Variants in FASN observed in about 807,000 individuals in gnomAD.
FASN encodes 3-hydroxyacyl-[acyl-carrier-protein] dehydratase.
Under a neutral mutation model 250.0 loss-of-function variants are expected in FASN, and 50 were observed. That is an observed-to-expected ratio of 0.20 (90% CI 0.16 to 0.25). The LOEUF is 0.25. Among genes scored for constraint, FASN ranks in the 10% least tolerant of loss-of-function variants. The pLI is 1.00. For synonymous variants in FASN, 1,909 were observed against 1,584.0 expected (o/e 1.21, Z -4.87); for missense variants, 3,031 against 3,498.5 (o/e 0.87, Z 3.37).
intron 11 of FASN, among the ~76,000 whole-genome samples, chr17:82,089,948 C>G (rs1246657823): frequency 1.3e-5 from 2 of 152,204 alleles, no homozygotes; most frequent in Non-Finnish European, 2.9e-5. Context: ...GAGCCCAGTC[C>G]CCAGATGGTG....
At position 82,091,393 on chromosome 17, in the gene FASN, C is replaced by T. The variant is rs1332913108; in HGVS notation, c.1321G>A (p.Gly441Ser). The T allele has an allele frequency of 2.5e-6, 4 of 1,610,564 alleles. No homozygotes were observed. Among genetic ancestry groups the T allele is most frequent in the Non-Finnish European group, 2.5e-6 (3 of 1,179,178 alleles). The stretch of plus-strand genomic sequence containing the variant: ...GCCAGGTCCTGGCTGTGCCGGAGGC[C>T]CTGCTCCAGCAGCTTCTGCACGGCC... Reference protein sequence around the residue: ...PEAVQKLLEQGLRHSQDLAFL... With the variant: ...PEAVQKLLEQSLRHSQDLAFL... The change falls in exon 9 of 43, where the codon GGC becomes AGC. Residue 441 changes from glycine (G) to serine (S), a missense_variant. Coordinates refer to ENST00000306749, the MANE Select transcript of FASN (RefSeq NM_004104.5).
Position 82,087,934 on chromosome 17 carries a change from G to A in FASN, c.2866+20C>T, listed in dbSNP as rs768352873. The A allele has an allele frequency of 4.3e-6, 7 of 1,612,318 alleles. No homozygotes were observed. The highest frequency in any genetic ancestry group is 2.2e-5 in the East Asian group (1 of 44,874). On this transcript the variant is annotated intron_variant, in intron 18 of 42. Coordinates refer to ENST00000306749, the MANE Select transcript of FASN (RefSeq NM_004104.5). ...AGCGGGCACAGCCTCCGCAGCTCCC[G>A]TGCCACCGGCCCTGCTTACCACTCA...
rs1310579926 is a variant in FASN, at chr17:82,083,606, T to C, written c.5252A>G (p.Glu1751Gly). 2 of 1,611,602 alleles carry C rather than the reference T, an allele frequency of 1.2e-6. No individual in the cohort carries two copies. Among genetic ancestry groups the C allele is most frequent in the South Asian group, 1.1e-5 (1 of 90,864 alleles). ...VDLVLNSLAE[E>G]KLQASVRCLA... is the part of the protein sequence containing the mutation. ...GCACCTCACGCTGGCCTGCAGCTTC[T>C]CTTCCGCCAAGGAGTTCAAGACCAG... Residue 1751 changes from glutamate to glycine, a missense_variant, in exon 31 of 43, where the codon GAG becomes GGG. By Grantham distance (98) the Glu-to-Gly change is moderately conservative. Transcript: ENST00000306749.
Position 82,084,356 on chromosome 17 carries a change from T to G in FASN, c.4797A>C (p.Leu1599=). The change falls in exon 28 of 43, where the codon CTA becomes CTC. Residue 1599 remains leucine, a synonymous_variant. Coordinates refer to ENST00000306749, the MANE Select transcript of FASN (RefSeq NM_004104.5). ...CGTCTCGGCCCGAGAACTCCATACC[T>G]AGCAGGCTGTCCTGGGAGGTCCACT... The part of the protein sequence containing the change: ...PGKWTSQDSL[L]GMEFSGRDAS... 1 of 1,608,248 alleles carries G rather than the reference T, an allele frequency of 6.2e-7. No individual in the cohort carries two copies. Among genetic ancestry groups the G allele is most frequent in the Non-Finnish European group, 8.5e-7 (1 of 1,178,000 alleles).
rs764159372 is a variant in FASN, at chr17:82,085,775, G to C, written c.3829C>G (p.Pro1277Ala). 337 of 1,561,396 alleles carry C rather than the reference G, an allele frequency of 2.2e-4. 2 individuals are homozygous for C. In the Admixed American group the frequency reaches 6.3e-3, roughly 29 times the overall value. ...GCCTGGGCAGCCTCCAGGGCCTGGG[G>C]GTGGCGGTCGGTGGCCGTGTAGCTC... The part of the protein sequence containing the change: ...QLSYTATDRH[P>A]QALEAAQAEL... Residue 1277 changes from proline (P) to alanine (A), a missense_variant, in exon 23 of 43, where the codon CCC (proline) becomes GCC (alanine). Coordinates refer to ENST00000306749, the MANE Select transcript of FASN (RefSeq NM_004104.5).
chr17:82,086,401 C>G lies in FASN; in HGVS notation c.3585G>C (p.Gln1195His), dbSNP rs920149225. 3 of 1,610,894 alleles carry G rather than the reference C, an allele frequency of 1.9e-6. No individual in the cohort carries two copies. The highest frequency in any genetic ancestry group is 2.5e-6 in the Non-Finnish European group (3 of 1,179,892). Residue 1195 changes from glutamine (Q) to histidine (H), a missense_variant, in exon 22 of 43, where the codon CAG (glutamine) becomes CAC (histidine). Coordinates refer to ENST00000306749, the MANE Select transcript of FASN (RefSeq NM_004104.5). ...GGGCCAGCACCTGCGCCAGCTCCAGCTGCAGGTTCCCGTTGAGCTGAAGCC... is the reference window on the plus strand; with the variant it reads ...GGGCCAGCACCTGCGCCAGCTCCAGGTGCAGGTTCCCGTTGAGCTGAAGCC... Reference protein sequence around the residue: ...ACRLQLNGNLQLELAQVLAQE... With the variant: ...ACRLQLNGNLHLELAQVLAQE...
Position 82,091,403 on chromosome 17 carries a change from C to T in FASN, c.1311G>A (p.Leu437=). Residue 437 remains leucine, a synonymous_variant, in exon 9 of 43, where the codon CTG becomes CTA. Transcript: ENST00000306749. Reference sequence around the variant, plus strand: ...GGCTGTGCCGGAGGCCCTGCTCCAGCAGCTTCTGCACGGCCTCAGGGGTGC... The same window carrying T: ...GGCTGTGCCGGAGGCCCTGCTCCAGTAGCTTCTGCACGGCCTCAGGGGTGC... The part of the protein sequence containing the change: ...SGRTPEAVQK[L]LEQGLRHSQD... The T allele has an allele frequency of 6.2e-7, 1 of 1,610,468 alleles. No individual in the cohort carries two copies. Among genetic ancestry groups the T allele is most frequent in the South Asian group, 1.1e-5 (1 of 90,740 alleles).
chr17:82,089,381 G>T lies in FASN; in HGVS notation c.1969C>A (p.Pro657Thr). The T allele has an allele frequency of 1.2e-6, 2 of 1,612,762 alleles. No individual in the cohort carries two copies. The highest frequency in any genetic ancestry group is 2.2e-5 in the East Asian group (1 of 44,878). Residue 657 changes from proline to threonine, a missense_variant, in exon 13 of 43, where the codon CCG becomes ACG. Pro to Thr is a conservative substitution (Grantham distance 38). Transcript: ENST00000306749. Reference protein sequence around the residue: ...DTVTISGPQAPVFEFVEQLRK... With the variant: ...DTVTISGPQATVFEFVEQLRK... ...AGCTGCTCCACGAACTCAAACACCG[G>T]GGCCTGGACATCGTGGGAGCCTGGA...
chr17:82,081,499 C>T lies in FASN; in HGVS notation c.6406+102G>A, dbSNP rs1009091898. ...CACCTGCGCCCGCACCCTGGCTCTG[C>T]AGATGGGGAAACTGAGGCGCACAGG... On this transcript the variant is annotated intron_variant, in intron 37 of 42. Transcript: ENST00000306749. 4.4e-6 allele frequency: 7 copies of T among 1,591,608 alleles called. No individual in the cohort carries two copies. The South Asian group carries it at 6.6e-5, about 15-fold the overall frequency.
chr17:82,078,908 T>C lies in FASN; in HGVS notation c.*235A>G. The C allele has an allele frequency of 1.6e-6, 1 of 610,206 alleles. No homozygotes were observed. The highest frequency in any genetic ancestry group is 2.9e-6 in the Non-Finnish European group (1 of 346,760). 37.8% of individuals were successfully genotyped at this position (610,206 alleles called of 1,614,324 possible). On this transcript the variant is annotated 3_prime_UTR_variant, in exon 43 of 43. Coordinates refer to ENST00000306749, the MANE Select transcript of FASN (RefSeq NM_004104.5). The surrounding 1 kb of genome is among the most constrained non-coding windows in gnomAD (Gnocchi z 5.4). ...TCCTGCGGGCACGGGCACCACCGGCTCTTCACAGACCAGGAGTCTCCAAGT... is the reference window on the plus strand; with the variant it reads ...TCCTGCGGGCACGGGCACCACCGGCCCTTCACAGACCAGGAGTCTCCAAGT...
In FASN at chr17:82,082,584, G is replaced by A. The variant is rs1251846067; in HGVS notation, c.5862C>T (p.Gly1954=). 2 of 1,609,900 alleles carry A rather than the reference G, an allele frequency of 1.2e-6. No individual in the cohort carries two copies. The highest frequency in any genetic ancestry group is 1.7e-6 in the Non-Finnish European group (2 of 1,179,862). ...CAAGCTGCGCCGCCTCGGCAATGAG[G>A]CCCCGGGCCCCCTCCAGTGAGCTGA... is the stretch of plus-strand genomic sequence containing the variant. The part of the protein sequence containing the change: ...SNISSLEGAR[G]LIAEAAQLGP... The change falls in exon 34 of 43, where the codon GGC becomes GGT. Residue 1954 remains glycine, a synonymous_variant. Transcript: ENST00000306749.
chr17:82,087,970 G>A lies in FASN; in HGVS notation c.2850C>T (p.Gly950=). The change falls in exon 18 of 43, where the codon GGC becomes GGT. Residue 950 remains glycine (G), a synonymous_variant. Coordinates refer to ENST00000306749, the MANE Select transcript of FASN (RefSeq NM_004104.5). ...CCTGCTTACCACTCACTACCAGGTT[G>A]CCGTTCTCTGACACCTCGAAGGCAC... ...ASRAFEVSEN[G]NLVVSGKVYQ... 6.2e-7 allele frequency: 1 copy of A among 1,612,746 alleles called. No homozygotes were observed. The highest frequency in any genetic ancestry group is 1.1e-5 in the South Asian group (1 of 91,090).
chr17:82,080,708 G>T lies in FASN; in HGVS notation c.6810C>A (p.Gly2270=). Residue 2270 remains glycine (G), a synonymous_variant, in exon 39 of 43, where the codon GGC becomes GGA. Coordinates refer to ENST00000306749, the MANE Select transcript of FASN (RefSeq NM_004104.5). ...LASRLSIPTY[G]LQCTRAAPLD... ...CGGGAGTACCTCGGGTGCACTGCAG[G>T]CCATAGGTGGGGATGCTGAGCCGGG... 1 of 1,595,386 alleles carries T rather than the reference G, an allele frequency of 6.3e-7. No individual in the cohort carries two copies. Among genetic ancestry groups the T allele is most frequent in the Non-Finnish European group, 8.5e-7 (1 of 1,172,222 alleles).
Position 82,093,711 on chromosome 17 carries a change from G to T in FASN, c.341C>A (p.Ser114Tyr). 1 of 1,612,764 alleles carries T rather than the reference G, an allele frequency of 6.2e-7. No individual in the cohort carries two copies. The highest frequency in any genetic ancestry group is 8.5e-7 in the Non-Finnish European group (1 of 1,179,984). Residue 114 changes from serine to tyrosine, a missense_variant, in exon 4 of 43, where the codon TCT becomes TAT. Transcript: ENST00000306749. ...TCGGCTCAGGGCCTCCGAGGTCTCA[G>T]AGCCGCTCACGCCCACCCAGACGCC... ...HTGVWVGVSGSETSEALSRDP... is the reference protein window; with the variant it reads ...HTGVWVGVSGYETSEALSRDP...
At position 82,083,905 on chromosome 17, in the gene FASN, G is replaced by C; in HGVS notation, c.5099-14C>G. 6.4e-7 allele frequency: 1 copy of C among 1,558,284 alleles called. No individual in the cohort carries two copies. The highest frequency in any genetic ancestry group is 8.7e-7 in the Non-Finnish European group (1 of 1,151,092). The stretch of plus-strand genomic sequence containing the variant: ...TCTCAGCCGACCCTGGTGAAGAGAG[G>C]AAGCGCGGCTGGTGAGCCAGGGCGG... On this transcript the variant is annotated splice_polypyrimidine_tract_variant and intron_variant, in intron 29 of 42. Transcript: ENST00000306749.
intron 34 of FASN, 51 bp downstream of exon 34, chr17:82,082,476 C>A (rs1191616956): frequency 1.2e-6 from 2 of 1,611,268 alleles, no homozygotes; most frequent in Admixed American, 1.7e-5. Flanking sequence ...ACCCAGGGTC[C>A]CCCCCTTGGT....
In FASN at chr17:82,084,074, G is replaced by A. The variant is rs45557233; in HGVS notation, c.4999C>T (p.Pro1667Ser). 3.7e-3 allele frequency: 5,821 copies of A among 1,553,648 alleles called. 326 individuals are homozygous for A. In the East Asian group the frequency reaches 0.11, roughly 29 times the overall value. The change falls in exon 29 of 43, where the codon CCC (proline) becomes TCC (serine). Residue 1667 changes from proline to serine, a missense_variant. Pro to Ser is a moderately conservative substitution (Grantham distance 74). Coordinates refer to ENST00000306749, the MANE Select transcript of FASN (RefSeq NM_004104.5). Reference protein sequence around the residue: ...YALVVRGRVRPGETLLIHSGS... With the variant: ...YALVVRGRVRSGETLLIHSGS... ...GAGTGGATGAGCAGCGTCTCCCCGGGGCGCACCCGCCCACGCACCACCAGC... is the reference window on the plus strand; with the variant it reads ...GAGTGGATGAGCAGCGTCTCCCCGGAGCGCACCCGCCCACGCACCACCAGC...
At position 82,082,655 on chromosome 17, in the gene FASN, G is replaced by T; in HGVS notation, c.5791C>A (p.Arg1931=). 1.2e-6 allele frequency: 2 copies of T among 1,610,080 alleles called. No individual in the cohort carries two copies. Among genetic ancestry groups the T allele is most frequent in the Admixed American group, 3.3e-5 (2 of 60,018 alleles). Residue 1931 remains arginine, a synonymous_variant, in exon 34 of 43, where the codon CGG becomes AGG. Transcript: ENST00000306749. The part of the protein sequence containing the change: ...RTGYQAKQVR[R]WRRQGVQVQV... ...ACCTGTACGCCCTGGCGCCTCCACC[G>T]GCGGACCTGCTTGGCCTGGTAGCCT...
In FASN at chr17:82,092,608, G is replaced by T. The variant is rs367573652; in HGVS notation, c.895-19C>A. Reference sequence around the variant, plus strand: ...CGCCCACCTGTGGGAAACATGGGGGGTGAGGGGCTCTGGCCAGGTCACCTC... The same window carrying T: ...CGCCCACCTGTGGGAAACATGGGGGTTGAGGGGCTCTGGCCAGGTCACCTC... On this transcript the variant is annotated intron_variant, in intron 7 of 42. Coordinates refer to ENST00000306749, the MANE Select transcript of FASN (RefSeq NM_004104.5). 21 of 1,604,898 alleles carry T rather than the reference G, an allele frequency of 1.3e-5. No individual in the cohort carries two copies. Among genetic ancestry groups the T allele is most frequent in the Non-Finnish European group, 1.6e-5 (19 of 1,179,632 alleles).
Sources: allele counts gnomAD v4.1 joint callset (sites outside exome capture counted in the v4.1 genomes callset), GRCh38; gene constraint gnomAD v4.1.1; non-coding constraint Gnocchi (gnomAD v3.1); transcripts MANE v1.5; gene names NCBI Gene and HGNC (gene_info 2026-07-23, HGNC 2026-07-21).